TBCD: variants seen among roughly 807,000 people sequenced by gnomAD.
TBCD encodes tubulin-specific chaperone D.
TBCD carries 105 observed loss-of-function variants against 169.3 expected under a neutral mutation model. The ratio of observed to expected loss-of-function variants is 0.62; its 90% confidence interval spans 0.53 to 0.73. The LOEUF is 0.73. Ranked by LOEUF, TBCD falls within the 30% of genes least tolerant of loss-of-function variation. TBCD has a pLI of 0.00. For missense variants in TBCD, 1,444 were observed against 1,600.1 expected, an observed-to-expected ratio of 0.90 and a Z score of 1.66; for synonymous variants, 700 against 643.9, an observed-to-expected ratio of 1.09 and a Z score of -1.32.
intron 18 of TBCD, among the ~76,000 whole-genome samples, chr17:82,901,035 G>A (rs557729771): frequency 2.3e-4 from 35 of 152,336 alleles, no homozygotes; most frequent in African/African-American, 7.5e-4. Flanking sequence ...GCTTGGAGGC[G>A]GACTCTGCGT....
intron 13 of TBCD, chr17:82,859,860 C>A (rs1410416047): frequency 1.0e-6 from 1 of 985,430 alleles, no homozygotes; most frequent in South Asian, 4.7e-5. Flanking sequence ...AGAAAGAAAA[C>A]CCTTGAGATA....
intron 9 of TBCD, among the ~76,000 whole-genome samples, chr17:82,803,607 T>A (rs1217020054): frequency 2.0e-5 from 3 of 152,210 alleles, no homozygotes; most frequent in Admixed American, 6.5e-5. Context: ...AAAGTACCCC[T>A]GCGGGGAGGA....
At chr17:82,921,017 C>G (rs896132931) in intron 24 of TBCD, 7 of 272,570 alleles carry the variant, frequency 2.6e-5, no homozygotes, top group Admixed American at 5.0e-5. Context: ...AGCAGCCCCC[C>G]ACACTGGGCT....
intron 2 of TBCD, among the ~76,000 whole-genome samples, chr17:82,757,779 C>G (rs898450709): frequency 1.3e-5 from 2 of 152,112 alleles, no homozygotes; most frequent in Admixed American, 1.3e-4. Context: ...GAACATGACT[C>G]TGACATCTGG....
chr17:82,782,080 GAA>G lies in TBCD; in HGVS notation c.771+361_771+362del, dbSNP rs1438570968. 6.6e-6 allele frequency among the ~76,000 whole-genome samples: 1 copy of G among 152,234 alleles called. No homozygotes were observed. The highest frequency in any genetic ancestry group is 6.5e-5 in the Admixed American group (1 of 15,280). On this transcript the variant is annotated intron_variant, in intron 7 of 38. Coordinates refer to ENST00000355528, the MANE Select transcript of TBCD (RefSeq NM_005993.5). This position sits in a 1 kb window ranked among gnomAD's most constrained non-coding sequence, Gnocchi z 5.1. ...TCTAATAAAACAAGGTGGGTGAGTT[GAA>G]ATTTGATTCTGTTCCTTTGCACTGG...
Position 82,903,258 on chromosome 17 carries a change from T to C in TBCD, c.1731-147T>C. 2.8e-6 allele frequency: 2 copies of C among 705,248 alleles called. No homozygotes were observed. Among genetic ancestry groups the C allele is most frequent in the South Asian group, 3.5e-5 (2 of 56,598 alleles). The allele number at this position is 705,248 out of a possible 1,614,324, so 43.7% of individuals were successfully genotyped here. On this transcript the variant is annotated intron_variant, in intron 18 of 38. Coordinates refer to ENST00000355528, the MANE Select transcript of TBCD (RefSeq NM_005993.5). The surrounding 1 kb of genome is among the most constrained non-coding windows in gnomAD (Gnocchi z 4.8). The stretch of plus-strand genomic sequence containing the variant: ...CGTCTGTTGGAGTCGGAGGTTCTTG[T>C]ACTGGTTCGTGTGAGTGAGTGAGTG...
chr17:82,851,386 G>C (rs577581762), intron 13 of TBCD, among the ~76,000 whole-genome samples: 1 of 152,340 alleles, frequency 6.6e-6, no homozygotes, highest in East Asian at 1.9e-4. Flanking sequence ...ATTGTGGCCT[G>C]CAGGCCCAGT....
At chr17:82,868,999 C>T (rs547237540) in intron 13 of TBCD, among the ~76,000 whole-genome samples, 5 of 152,120 alleles carry the variant, frequency 3.3e-5, no homozygotes, top group South Asian at 2.1e-4. Context: ...GTGCGTGGAG[C>T]GGGTCGTGTG....
chr17:82,875,330 A>G (rs893052749), intron 14 of TBCD, among the ~76,000 whole-genome samples: 9 of 152,210 alleles, frequency 5.9e-5, no homozygotes, highest in South Asian at 2.1e-4. Flanking sequence ...GGGCAGTGAC[A>G]GTGCGAAGTT....
At chr17:82,939,067 G>C (rs926171656) in intron 36 of TBCD, 2 of 481,690 alleles carry the variant, frequency 4.2e-6, no homozygotes, top group Admixed American at 3.5e-5. Context: ...GAGAGCAGGC[G>C]AGATTGCTTC....
In TBCD at chr17:82,910,804, G is replaced by A. The variant is rs1320718292; in HGVS notation, c.2007-954G>A. Among the ~76,000 whole-genome samples the A allele has an allele frequency of 3.3e-5, 5 of 152,172 alleles. No individual in the cohort carries two copies. The South Asian group carries it at 6.2e-4, about 19-fold the overall frequency. Reference sequence around the variant, plus strand: ...TGGTCTTGCACTCCTGACCTGAAGCGATCCGCCCGCCTCGGCCTTCCACAG... The same window carrying A: ...TGGTCTTGCACTCCTGACCTGAAGCAATCCGCCCGCCTCGGCCTTCCACAG... On this transcript the variant is annotated intron_variant, in intron 22 of 38. Coordinates refer to ENST00000355528, the MANE Select transcript of TBCD (RefSeq NM_005993.5).
rs1814978531 is a variant in TBCD at position 82,782,331 on chromosome 17, C to T, written c.771+610C>T. On this transcript the variant is annotated intron_variant, in intron 7 of 38. Transcript: ENST00000355528. The surrounding 1 kb of genome is among the most constrained non-coding windows in gnomAD (Gnocchi z 5.1). ...GGTCAGCGTCCTGGAGGCTGCAGCT[C>T]CCTGGTCAGCCTTCTGGAGGGGGAG... 6.6e-6 allele frequency among the ~76,000 whole-genome samples: 1 copy of T among 152,182 alleles called. No homozygotes were observed. Among genetic ancestry groups the T allele is most frequent in the Admixed American group, 6.5e-5 (1 of 15,284 alleles).
chr17:82,932,765 C>T, intron 34 of TBCD, 30 bp downstream of exon 34: 1 of 1,607,272 alleles, frequency 6.2e-7, no homozygotes, highest in East Asian at 2.2e-5. Context: ...GACTTCCTTT[C>T]CGATTAAGCC....
intron 10 of TBCD, among the ~76,000 whole-genome samples, chr17:82,807,347 G>A (rs916779141): frequency 1.3e-5 from 2 of 152,220 alleles, no homozygotes; most frequent in Admixed American, 1.3e-4. Flanking sequence ...CCTTCCCCTG[G>A]GGGCAGGCAG....
intron 17 of TBCD, among the ~76,000 whole-genome samples, chr17:82,894,003 G>A (rs1469566835): frequency 3.3e-5 from 3 of 90,662 alleles, no homozygotes; most frequent in Non-Finnish European, 6.6e-5. Flanking sequence ...CTGCAAGCAC[G>A]GCCACACCTC....
At chr17:82,926,277 G>T (rs1378529785) in intron 27 of TBCD, 123 bp from the exon 28 acceptor site, 26 of 868,868 alleles carry the variant, frequency 3.0e-5, no homozygotes, top group South Asian at 2.2e-4. Flanking sequence ...TGAGGAAGGT[G>T]GTGCCAGGAG....
chr17:82,928,304 AG>A (rs993896038), intron 30 of TBCD, among the ~76,000 whole-genome samples: 4 of 152,122 alleles, frequency 2.6e-5, no homozygotes, highest in African/African-American at 4.8e-5. Flanking sequence ...GCCGGGCAGG[AG>A]GTGGGGACTT....
intron 5 of TBCD, among the ~76,000 whole-genome samples, chr17:82,769,841 C>T (rs560749825): frequency 1.4e-5 from 2 of 147,378 alleles, no homozygotes; most frequent in South Asian, 2.1e-4. Context: ...TACGCCACTG[C>T]ACTCCAGCCT....
In TBCD at chr17:82,884,461, C is replaced by T. The variant is rs1417253208; in HGVS notation, c.1533+259C>T. ...GCTGGGGGTTGATGGGTGATGGAGG[C>T]GAGTGGGAGGTGCCCGATGACAGGT... On this transcript the variant is annotated intron_variant, in intron 15 of 38. Coordinates refer to ENST00000355528, the MANE Select transcript of TBCD (RefSeq NM_005993.5). The surrounding 1 kb of genome is among the most constrained non-coding windows in gnomAD (Gnocchi z 4.2). 3.3e-5 allele frequency among the ~76,000 whole-genome samples: 5 copies of T among 152,280 alleles called. No homozygotes were observed. The South Asian group carries it at 8.3e-4, about 25-fold the overall frequency.
Sources: allele counts gnomAD v4.1 joint callset (sites outside exome capture counted in the v4.1 genomes callset), GRCh38; gene constraint gnomAD v4.1.1; non-coding constraint Gnocchi (gnomAD v3.1); transcripts MANE v1.5; gene names NCBI Gene and HGNC (gene_info 2026-07-23, HGNC 2026-07-21).